The following RALYL variants were observed in gnomAD, a reference collection of about 807,000 sequenced individuals.
The protein encoded by RALYL is RALY RNA binding protein like.
RALYL carries 29 observed loss-of-function variants against 35.1 expected under a neutral mutation model. The ratio of observed to expected loss-of-function variants is 0.83; its 90% CI spans 0.61 to 1.13. The LOEUF (loss-of-function observed/expected upper bound fraction) is 1.13, where lower values mean the gene tolerates loss of function less well. Among genes scored for constraint, RALYL ranks in the 50% most tolerant of loss-of-function variants. The probability of loss-of-function intolerance (pLI) is 0.00; values close to 1 mark genes in which losing one functional copy is unlikely to be tolerated. For synonymous variants in RALYL, 120 were observed against 127.6 expected, an observed-to-expected ratio of 0.94 and a Z score of 0.40; for missense variants, 359 against 360.4, an observed-to-expected ratio of 1.00 and a Z score of 0.03.
chr8:84,585,786 C>G (rs1464520745), intron 2 of RALYL, among the ~76,000 whole-genome samples: 4 of 152,158 alleles, frequency 2.6e-5, no homozygotes, highest in African/African-American at 7.2e-5. Flanking sequence ...AATGGCCCCT[C>G]TCCTCAAGTT....
Position 84,440,955 on chromosome 8 carries a change from A to T in RALYL, c.-23-88344A>T, listed in dbSNP as rs374189317. On this transcript the variant is annotated intron_variant, in intron 1 of 8. Transcript: ENST00000521268. Reference sequence around the variant, plus strand: ...ATAAAAGAAAAAAATCCTTATTCCCAAAGTAGTTTTACTATTTTTCATTCC... The same window carrying T: ...ATAAAAGAAAAAAATCCTTATTCCCTAAGTAGTTTTACTATTTTTCATTCC... Among the ~76,000 whole-genome samples the T allele has an allele frequency of 1.2e-4, 19 of 152,174 alleles. 2 individuals are homozygous for T. The South Asian group carries it at 3.5e-3, about 28-fold the overall frequency.
chr8:84,403,386 G>GT (rs376955392), intron 1 of RALYL, among the ~76,000 whole-genome samples: 64 of 152,044 alleles, frequency 4.2e-4, no homozygotes, highest in African/African-American at 1.5e-3. Context: ...TGGCTAGCCA[G>GT]TTTTTCCAAC....
chr8:84,849,679 C>T (rs971194095), intron 4 of RALYL, among the ~76,000 whole-genome samples: 8 of 151,996 alleles, frequency 5.3e-5, no homozygotes, highest in Middle Eastern at 3.2e-3. Context: ...CTGCCTCAGC[C>T]TCCCGTGTAG....
At chr8:84,809,849 G>C (rs2134078368) in intron 4 of RALYL, among the ~76,000 whole-genome samples, 1 of 152,160 alleles carries the variant, frequency 6.6e-6, no homozygotes, top group Admixed American at 6.5e-5. Context: ...GTTTCTTAAT[G>C]AGGTTATTTG....
At chr8:84,622,878 A>C (rs1311137598) in intron 2 of RALYL, among the ~76,000 whole-genome samples, 1 of 152,172 alleles carries the variant, frequency 6.6e-6, no homozygotes, top group African/African-American at 2.4e-5. Flanking sequence ...ATCTACGTGG[A>C]AAAAAATAGT....
intron 1 of RALYL, among the ~76,000 whole-genome samples, chr8:84,496,259 C>T (rs1282302330): frequency 6.6e-6 from 1 of 152,022 alleles, no homozygotes; most frequent in African/African-American, 2.4e-5. Flanking sequence ...ATTTGGACCC[C>T]AGTCTCATCT....
At chr8:84,627,562 C>T (rs1339851963) in intron 2 of RALYL, among the ~76,000 whole-genome samples, 1 of 150,936 alleles carries the variant, frequency 6.6e-6, no homozygotes, top group Non-Finnish European at 1.5e-5. Context: ...GAAACACTTT[C>T]TTCCTGTGTT....
At chr8:84,748,888 T>C (rs1809274619) in intron 2 of RALYL, among the ~76,000 whole-genome samples, 1 of 152,122 alleles carries the variant, frequency 6.6e-6, no homozygotes, top group South Asian at 2.1e-4. Flanking sequence ...CATCTTCTCT[T>C]GTTTTGTTTA....
intron 2 of RALYL, among the ~76,000 whole-genome samples, chr8:84,576,903 G>A (rs114336634): frequency 3.9e-4 from 59 of 152,300 alleles, no homozygotes; most frequent in African/African-American, 1.3e-3. Context: ...CTGGTCCACA[G>A]CAAAATGACT....
intron 1 of RALYL, among the ~76,000 whole-genome samples, chr8:84,403,340 G>T (rs906290897): frequency 1.3e-5 from 2 of 151,900 alleles, no homozygotes; most frequent in African/African-American, 4.8e-5. Flanking sequence ...TTTGGATAAG[G>T]TGTAAGGAAA....
At chr8:84,310,704 T>C (rs1453335519) in intron 1 of RALYL, among the ~76,000 whole-genome samples, 1 of 152,152 alleles carries the variant, frequency 6.6e-6, no homozygotes, top group African/African-American at 2.4e-5. Flanking sequence ...CAGCATTTGA[T>C]AGAATTTTTT....
At chr8:84,884,508 CACACACACATAT>C (rs1299062979) in intron 7 of RALYL, among the ~76,000 whole-genome samples, 3 of 115,138 alleles carry the variant, frequency 2.6e-5, no homozygotes, top group African/African-American at 1.0e-4. Context: ...CACACAAACA[CACACACACATAT>C]ACACACACAT....
intron 1 of RALYL, among the ~76,000 whole-genome samples, chr8:84,353,845 A>G (rs1230041659): frequency 1.3e-5 from 2 of 150,164 alleles, no homozygotes; most frequent in African/African-American, 5.0e-5. Context: ...TTTATTTGAT[A>G]GTGTCATAAA....
chr8:84,188,229 G>T (rs1425692620), intron 1 of RALYL, among the ~76,000 whole-genome samples: 2 of 151,980 alleles, frequency 1.3e-5, no homozygotes, highest in African/African-American at 4.8e-5. Flanking sequence ...ATTTTTAAAT[G>T]ATGATTAGCT....
chr8:84,457,523 T>C (rs900930551), intron 1 of RALYL, among the ~76,000 whole-genome samples: 2 of 151,972 alleles, frequency 1.3e-5, no homozygotes, highest in African/African-American at 4.8e-5. Context: ...TATTAATGTT[T>C]CACCTTTAGA....
chr8:84,295,518 C>T (rs1374478976), intron 1 of RALYL, among the ~76,000 whole-genome samples: 4 of 151,824 alleles, frequency 2.6e-5, no homozygotes, highest in Non-Finnish European at 5.9e-5. Context: ...CAGGCTCTTC[C>T]CAAACTCCTG....
intron 2 of RALYL, among the ~76,000 whole-genome samples, chr8:84,649,117 A>G (rs1169482709): frequency 1.3e-5 from 2 of 152,088 alleles, no homozygotes; most frequent in Non-Finnish European, 2.9e-5. Context: ...TTAGGTTCAC[A>G]TAAGGATTGC....
intron 1 of RALYL, among the ~76,000 whole-genome samples, chr8:84,500,679 C>G (rs1435173329): frequency 6.6e-6 from 1 of 151,988 alleles, no homozygotes; most frequent in Non-Finnish European, 1.5e-5. Flanking sequence ...AAATTAATTG[C>G]TTTTCATGAA....
chr8:84,430,495 G>T lies in RALYL; in HGVS notation c.-23-98804G>T, dbSNP rs540358028. Among the ~76,000 whole-genome samples, 5 of 152,064 alleles carry T rather than the reference G, an allele frequency of 3.3e-5. No homozygotes were observed. The East Asian group carries it at 9.7e-4, about 29-fold the overall frequency. ...ACTCACAAAGTGGCAATGTGCAAAG[G>T]ACTACAAAAAACATCTATTCTCCAT... On this transcript the variant is annotated intron_variant, in intron 1 of 8. Transcript: ENST00000521268.
Sources: allele counts gnomAD v4.1 joint callset (sites outside exome capture counted in the v4.1 genomes callset), GRCh38; gene constraint gnomAD v4.1.1; transcripts MANE v1.5; gene names NCBI Gene and HGNC (gene_info 2026-07-23, HGNC 2026-07-21).